Variants in RBM45 observed in about 807,000 individuals in gnomAD.
The protein encoded by RBM45 is RNA-binding protein 45.
RBM45 carries 39 observed loss-of-function variants against 58.5 expected under a neutral mutation model. That is an observed-to-expected ratio of 0.67 (90% CI 0.52 to 0.87). The LOEUF (loss-of-function observed/expected upper bound fraction) is 0.87, where lower values mean the gene tolerates loss of function less well. Among genes scored for constraint, RBM45 ranks in the 40% least tolerant of loss-of-function variants. The pLI is 0.00. For synonymous variants in RBM45, 193 were observed against 203.0 expected, an observed-to-expected ratio of 0.95 and a Z score of 0.42; for missense variants, 481 against 581.6, an observed-to-expected ratio of 0.83 and a Z score of 1.78.
chr2:178,118,698 GA>G (rs1414509239), intron 3 of RBM45, among the ~76,000 whole-genome samples: 3 of 152,080 alleles, frequency 2.0e-5, no homozygotes, highest in Non-Finnish European at 4.4e-5. Context: ...TATATATAAA[GA>G]ATAAGAATTT....
chr2:178,117,000 GGA>G (rs2087785443), intron 2 of RBM45, among the ~76,000 whole-genome samples: 1 of 152,074 alleles, frequency 6.6e-6, no homozygotes, highest in African/African-American at 2.4e-5. Context: ...TGAAATTTGA[GGA>G]TAATTTTATG....
rs1200917304 is a variant in RBM45, at chr2:178,120,314, A to G, written c.578A>G (p.Lys193Arg). The G allele has an allele frequency of 1.2e-6, 2 of 1,613,142 alleles. No individual in the cohort carries two copies. The highest frequency in any genetic ancestry group is 1.7e-6 in the Non-Finnish European group (2 of 1,179,588). The change falls in exon 4 of 10, where the codon AAA becomes AGA. Residue 193 changes from lysine to arginine, a missense_variant. Physicochemically the swap from Lys to Arg is conservative, Grantham distance 26 (BLOSUM62 2). Transcript: ENST00000286070. ...TTTAGAGCAATCTTGGCTGAACCTA[A>G]AAATAAAGCATCTGAATCCTCTGAA... is the stretch of plus-strand genomic sequence containing the variant. ...RSFRAILAEPKNKASESSEQD... is the reference protein window; with the variant it reads ...RSFRAILAEPRNKASESSEQD...
intron 4 of RBM45, 30 bp from the exon 5 acceptor site, chr2:178,121,149 TA>T: frequency 8.4e-7 from 1 of 1,190,534 alleles, no homozygotes; most frequent in Non-Finnish European, 1.2e-6. Context: ...TGTAGAAATC[TA>T]AAGATTTACT....
chr2:178,134,566 C>T (rs1320347745), downstream of RBM45, among the ~76,000 whole-genome samples: 1 of 133,966 alleles, frequency 7.5e-6, no homozygotes, highest in Non-Finnish European at 1.6e-5. Flanking sequence ...TGCTTGCTTG[C>T]TCTGTTTTTT....
intron 2 of RBM45, among the ~76,000 whole-genome samples, chr2:178,116,686 A>G (rs563965919): frequency 7.2e-5 from 11 of 152,296 alleles, no homozygotes; most frequent in African/African-American, 2.6e-4. Context: ...AAGTCACACA[A>G]CTAGTAGGTG....
At chr2:178,135,229 A>G (rs1231371668) in intron 3 of RBM45, among the ~76,000 whole-genome samples, 1 of 152,246 alleles carries the variant, frequency 6.6e-6, no homozygotes. Flanking sequence ...TTTAGAAACA[A>G]TCTACAATAG....
At position 178,116,249 on chromosome 2, in the gene RBM45, GT is replaced by G; in HGVS notation, c.301-10del. The G allele has an allele frequency of 1.9e-6, 3 of 1,544,988 alleles. No homozygotes were observed. The highest frequency in any genetic ancestry group is 2.6e-6 in the Non-Finnish European group (3 of 1,151,586). On this transcript the variant is annotated splice_polypyrimidine_tract_variant and intron_variant, in intron 1 of 9. Coordinates refer to ENST00000286070, the MANE Select transcript of RBM45 (RefSeq NM_152945.4). ...GACATTATTTTATTTTGGGAGTTTT[GT>G]TTGTTTCTTAGGTTTTCATTGCTCA...
intron 8 of RBM45, 67 bp from the exon 9 acceptor site, chr2:178,125,917 C>A: frequency 7.5e-7 from 1 of 1,340,360 alleles, no homozygotes; most frequent in Non-Finnish European, 1.1e-6. Flanking sequence ...AGAATGGACT[C>A]CAAATTTTAG....
chr2:178,126,729 A>G (rs1011199720), intron 9 of RBM45, among the ~76,000 whole-genome samples: 5 of 152,206 alleles, frequency 3.3e-5, no homozygotes, highest in Non-Finnish European at 7.3e-5. Flanking sequence ...TTAAAACAAT[A>G]CATTCAGAAA....
intron 8 of RBM45, chr2:178,125,751 G>A: frequency 3.0e-6 from 2 of 662,420 alleles, no homozygotes; most frequent in Non-Finnish European, 2.9e-6. Flanking sequence ...CAAGCTCAGG[G>A]GTAAGGAAAC....
In RBM45 at chr2:178,120,274, G is replaced by A. The variant is rs2087831469; in HGVS notation, c.551-13G>A. The A allele has an allele frequency of 1.2e-6, 2 of 1,611,608 alleles. No individual in the cohort carries two copies. Among genetic ancestry groups the A allele is most frequent in the South Asian group, 2.2e-5 (2 of 90,356 alleles). ...ATTTGCTGTGAAACTTGAAATTCAT[G>A]GGGTTTTTTCAGGTTTTAGAGCAAT... On this transcript the variant is annotated splice_polypyrimidine_tract_variant and intron_variant, in intron 3 of 9. Coordinates refer to ENST00000286070, the MANE Select transcript of RBM45 (RefSeq NM_152945.4).
downstream of RBM45, among the ~76,000 whole-genome samples, chr2:178,134,389 A>G (rs1047038002): frequency 2.0e-5 from 3 of 152,188 alleles, no homozygotes; most frequent in Non-Finnish European, 4.4e-5. Context: ...TCCCACCAAT[A>G]ACTTCTGTGA....
Position 178,123,813 on chromosome 2 carries a change from A to G in RBM45, c.984-15A>G, listed in dbSNP as rs979274108. The stretch of plus-strand genomic sequence containing the variant: ...TATTTTTAGTTTTCTGTAAATTATC[A>G]GTTATTTTTTCCAGTCTCCTTAGAA... On this transcript the variant is annotated splice_polypyrimidine_tract_variant and intron_variant, in intron 6 of 9. Transcript: ENST00000286070. The G allele has an allele frequency of 5.0e-6, 8 of 1,612,360 alleles. No individual in the cohort carries two copies. The highest frequency in any genetic ancestry group is 1.7e-4 in the Middle Eastern group (1 of 6,048).
Position 178,116,243 on chromosome 2 carries a change from A to G in RBM45, c.301-19A>G, listed in dbSNP as rs200904998. 3.7e-4 allele frequency: 573 copies of G among 1,534,296 alleles called. No individual in the cohort carries two copies. The highest frequency in any genetic ancestry group is 4.9e-4 in the Non-Finnish European group (556 of 1,145,340). On this transcript the variant is annotated intron_variant, in intron 1 of 9. Transcript: ENST00000286070. Reference sequence around the variant, plus strand: ...ATAGTTGACATTATTTTATTTTGGGAGTTTTGTTTGTTTCTTAGGTTTTCA... The same window carrying G: ...ATAGTTGACATTATTTTATTTTGGGGGTTTTGTTTGTTTCTTAGGTTTTCA...
rs1027273528 is a variant in RBM45 at position 178,112,509 on chromosome 2, C to T, written c.-38C>T. On this transcript the variant is annotated 5_prime_UTR_variant, in exon 1 of 10. Coordinates refer to ENST00000286070, the MANE Select transcript of RBM45 (RefSeq NM_152945.4). The stretch of plus-strand genomic sequence containing the variant: ...GCAGCGGTGGCAGACACCGCAGAAG[C>T]AAAGAGCAGTGAGGCTCCTGCATTC... 1.3e-6 allele frequency: 2 copies of T among 1,577,938 alleles called. No homozygotes were observed. Among genetic ancestry groups the T allele is most frequent in the Admixed American group, 1.7e-5 (1 of 58,436 alleles).
At chr2:178,125,671 A>G in intron 8 of RBM45, 1 of 517,776 alleles carries the variant, frequency 1.9e-6, no homozygotes, top group Non-Finnish European at 3.9e-6. Flanking sequence ...ACTTTTAGGG[A>G]GTAAATGATC....
In RBM45 at chr2:178,118,069, C is replaced by T. The variant is rs144678998; in HGVS notation, c.438C>T (p.Ile146=). ...AACTCTCTTAGGTGTATGGAGATAT[C>T]GAGTATTGCAGCATTATTAAGAATA... is the stretch of plus-strand genomic sequence containing the variant. ...LREKFKVYGD[I]EYCSIIKNKV... Residue 146 remains isoleucine, a synonymous_variant, in exon 3 of 10, where the codon ATC becomes ATT. Transcript: ENST00000286070. 6.0e-5 allele frequency: 96 copies of T among 1,609,356 alleles called. No homozygotes were observed. Among genetic ancestry groups the T allele is most frequent in the African/African-American group, 2.0e-4 (15 of 74,820 alleles).
At chr2:178,119,724 A>T (rs1160316675) in intron 3 of RBM45, among the ~76,000 whole-genome samples, 1 of 152,196 alleles carries the variant, frequency 6.6e-6, no homozygotes, top group Non-Finnish European at 1.5e-5. Context: ...TAAATGCATA[A>T]TAAGCATTTT....
intron 9 of RBM45, among the ~76,000 whole-genome samples, chr2:178,128,594 C>A (rs1378034932): frequency 6.6e-6 from 1 of 152,180 alleles, no homozygotes; most frequent in East Asian, 1.9e-4. Context: ...AGAGGAATTG[C>A]ATTTTCAGCA....
Sources: gnomAD v4.1 joint callset for allele counts (sites outside exome capture counted in the v4.1 genomes callset) on GRCh38, gnomAD v4.1.1 for gene constraint, MANE v1.5 for transcripts, NCBI Gene and HGNC (gene_info 2026-07-23, HGNC 2026-07-21) for gene names.